MDGA2: variants seen among roughly 807,000 people sequenced by gnomAD.
The protein encoded by MDGA2 is MAM domain containing glycosylphosphatidylinositol anchor 2, also known as MAM domain-containing glycosylphosphatidylinositol anchor protein 2.
A neutral mutation model predicts 117.8 loss-of-function variants in MDGA2; 40 were observed. That is an observed-to-expected ratio of 0.34 (90% CI 0.26 to 0.44). The LOEUF (loss-of-function observed/expected upper bound fraction) is 0.44. Among genes scored for constraint, MDGA2 ranks in the 20% least tolerant of loss-of-function variants. The pLI is 1.00. For missense variants in MDGA2, 1,123 were observed against 1,250.6 expected, an observed-to-expected ratio of 0.90 and a Z score of 1.54; for synonymous variants, 452 against 439.0, an observed-to-expected ratio of 1.03 and a Z score of -0.37.
chr14:47,249,552 T>C (rs1887375818), intron 2 of MDGA2, among the ~76,000 whole-genome samples: 1 of 152,090 alleles, frequency 6.6e-6, no homozygotes, highest in Admixed American at 6.5e-5. Context: ...TCTTGAACTC[T>C]TGGGCTTCAG....
chr14:47,573,807 T>C (rs537915788), intron 1 of MDGA2, among the ~76,000 whole-genome samples: 3 of 152,304 alleles, frequency 2.0e-5, no homozygotes, highest in African/African-American at 4.8e-5. Context: ...TTACAACTCA[T>C]GCATTTGTTA....
intron 2 of MDGA2, among the ~76,000 whole-genome samples, chr14:47,253,253 T>G (rs2139648008): frequency 6.6e-6 from 1 of 152,312 alleles, no homozygotes; most frequent in Non-Finnish European, 1.5e-5. Context: ...CCACAAAGTT[T>G]TAGCTCATTC....
chr14:47,322,470 T>C lies in MDGA2; in HGVS notation c.281-20920A>G, dbSNP rs147296103. ...CAAGAAAATAAGGAAGCCTAAAAAA[T>C]AAAAATTACTGCTAAGTTTTTTGAA... On this transcript the variant is annotated intron_variant, in intron 1 of 16. Transcript: ENST00000399232. Among the ~76,000 whole-genome samples, 566 of 152,236 alleles carry C rather than the reference T, an allele frequency of 3.7e-3. 5 individuals are homozygous for C. The highest frequency in any genetic ancestry group is 0.013 in the African/African-American group (538 of 41,562).
chr14:47,302,001 G>A (rs894852441), intron 1 of MDGA2, among the ~76,000 whole-genome samples: 2 of 152,170 alleles, frequency 1.3e-5, no homozygotes, highest in Non-Finnish European at 2.9e-5. Context: ...TAGCGCGCAA[G>A]TTAATAAGCT....
Position 47,131,772 on chromosome 14 carries a change from C to T in MDGA2, c.867G>A (p.Val289=). ...DYANYSCIAS[V]RNVCNIPDKM... is the part of the protein sequence containing the mutation. ...TATCAGGAATATTACATACATTCCT[C>T]ACTGAAGCAATGCAGCTATAATTAG... The change falls in exon 5 of 17, where the codon GTG becomes GTA. Residue 289 remains valine (V), a synonymous_variant. Coordinates refer to ENST00000399232, the MANE Select transcript of MDGA2 (RefSeq NM_001113498.3). The T allele has an allele frequency of 6.3e-7, 1 of 1,588,892 alleles. No homozygotes were observed. The highest frequency in any genetic ancestry group is 2.2e-5 in the East Asian group (1 of 44,584).
intron 6 of MDGA2, among the ~76,000 whole-genome samples, chr14:47,081,092 C>G (rs1890692948): frequency 6.6e-6 from 1 of 152,102 alleles, no homozygotes; most frequent in African/African-American, 2.4e-5. Flanking sequence ...TACCTTAACT[C>G]ATTCTGGTAT....
intron 1 of MDGA2, among the ~76,000 whole-genome samples, chr14:47,650,344 T>G (rs1460196623): frequency 6.6e-6 from 1 of 152,192 alleles, no homozygotes; most frequent in Non-Finnish European, 1.5e-5. Context: ...ATTTTACATA[T>G]GCAGCAGGTC....
At chr14:47,502,457 A>T (rs1327923944) in intron 1 of MDGA2, among the ~76,000 whole-genome samples, 1 of 152,170 alleles carries the variant, frequency 6.6e-6, no homozygotes, top group Non-Finnish European at 1.5e-5. Context: ...CATAAACCAA[A>T]GAACCTAGCC....
chr14:47,614,423 A>C lies in MDGA2; in HGVS notation c.280+60094T>G, dbSNP rs375618424. On this transcript the variant is annotated intron_variant, in intron 1 of 16. Transcript: ENST00000399232. ...ACCTTTTAAATCAATGATTTCTCTCAGATGCATTTCATTCAGTTTTATAGA... is the reference window on the plus strand; with the variant it reads ...ACCTTTTAAATCAATGATTTCTCTCCGATGCATTTCATTCAGTTTTATAGA... Among the ~76,000 whole-genome samples, 19 of 152,208 alleles carry C rather than the reference A, an allele frequency of 1.2e-4. No individual in the cohort carries two copies. In the East Asian group the frequency reaches 2.1e-3, roughly 17 times the overall value.
intron 9 of MDGA2, among the ~76,000 whole-genome samples, chr14:46,932,160 G>T (rs1025014673): frequency 1.3e-5 from 2 of 151,460 alleles, no homozygotes; most frequent in East Asian, 1.9e-4. Flanking sequence ...CATAAAGAAC[G>T]ATAGCTATTA....
Position 47,675,378 on chromosome 14 carries a change from G to T in MDGA2, c.-582C>A, listed in dbSNP as rs1388769163. Among the ~76,000 whole-genome samples, 1 of 151,850 alleles carries T rather than the reference G, an allele frequency of 6.6e-6. No homozygotes were observed. Among genetic ancestry groups the T allele is most frequent in the African/African-American group, 2.4e-5 (1 of 41,348 alleles). ...GAGGAGTGGGGCTAGGGGAACGGGG[G>T]TGGGGAAGAGGGAAGGGAGGAGGGG... On this transcript the variant is annotated 5_prime_UTR_variant, in exon 1 of 17. Coordinates refer to ENST00000399232, the MANE Select transcript of MDGA2 (RefSeq NM_001113498.3).
intron 1 of MDGA2, among the ~76,000 whole-genome samples, chr14:47,634,740 T>C (rs918454001): frequency 1.3e-5 from 2 of 152,220 alleles, no homozygotes; most frequent in South Asian, 2.1e-4. Context: ...CCAGTTCATA[T>C]AGGCAAAGAA....
At chr14:47,231,284 G>C (rs1275568478) in intron 2 of MDGA2, among the ~76,000 whole-genome samples, 1 of 151,948 alleles carries the variant, frequency 6.6e-6, no homozygotes, top group Non-Finnish European at 1.5e-5. Flanking sequence ...ACCCTCCTAA[G>C]AGTCACATTA....
intron 1 of MDGA2, among the ~76,000 whole-genome samples, chr14:47,650,599 G>A (rs1471312726): frequency 6.6e-6 from 1 of 152,122 alleles, no homozygotes; most frequent in Non-Finnish European, 1.5e-5. Context: ...TGATGGAAAG[G>A]CAACCTGTCC....
At position 47,508,674 on chromosome 14, in the gene MDGA2, T is replaced by G. The variant is rs149874771; in HGVS notation, c.280+165843A>C. Among the ~76,000 whole-genome samples the G allele has an allele frequency of 6.8e-3, 1,037 of 151,868 alleles. 19 individuals are homozygous for G. The highest frequency in any genetic ancestry group is 0.024 in the African/African-American group (990 of 41,426). ...TCTTGTGCATAAAGGAACACAACTTTTTTGTTTGTTTGTTTGTTTTTTTGA... is the reference window on the plus strand; with the variant it reads ...TCTTGTGCATAAAGGAACACAACTTGTTTGTTTGTTTGTTTGTTTTTTTGA... On this transcript the variant is annotated intron_variant, in intron 1 of 16. Transcript: ENST00000399232.
At chr14:47,165,244 G>A (rs1883820863) in intron 3 of MDGA2, among the ~76,000 whole-genome samples, 1 of 151,702 alleles carries the variant, frequency 6.6e-6, no homozygotes, top group Non-Finnish European at 1.5e-5. Flanking sequence ...AGTACTTAAA[G>A]TATAATAAAA....
intron 5 of MDGA2, among the ~76,000 whole-genome samples, chr14:47,128,256 C>T (rs1050504118): frequency 6.6e-6 from 1 of 152,066 alleles, no homozygotes; most frequent in African/African-American, 2.4e-5. Flanking sequence ...CAAGAAAAAT[C>T]TACCTGTTTA....
intron 5 of MDGA2, 84 bp downstream of exon 5, chr14:47,131,630 A>C (rs1882207454): frequency 9.0e-7 from 1 of 1,116,486 alleles, no homozygotes; most frequent in African/African-American, 1.5e-5. Flanking sequence ...CGTAGAAATC[A>C]TTTGGTCTTT....
chr14:47,290,272 C>A (rs1040444238), intron 2 of MDGA2, among the ~76,000 whole-genome samples: 3 of 151,858 alleles, frequency 2.0e-5, no homozygotes, highest in Admixed American at 1.3e-4. Context: ...GGATTAGTAC[C>A]CTTAAAAAGG....
Sources: allele counts gnomAD v4.1 joint callset (sites outside exome capture counted in the v4.1 genomes callset), GRCh38; gene constraint gnomAD v4.1.1; transcripts MANE v1.5; gene names NCBI Gene and HGNC (gene_info 2026-07-23, HGNC 2026-07-21).